Variants in TSGA10 observed in about 807,000 individuals in gnomAD.
TSGA10 encodes testis-specific gene 10 protein.
Under a neutral mutation model 96.6 loss-of-function variants are expected in TSGA10, and 43 were observed. That is an observed-to-expected ratio of 0.44 (90% CI 0.35 to 0.57). The LOEUF is 0.57. Among genes scored for constraint, TSGA10 ranks in the 20% least tolerant of loss-of-function variants. The pLI, the probability that TSGA10 is intolerant of heterozygous loss-of-function variation, is 0.01. For missense variants in TSGA10, 703 were observed against 834.4 expected, an observed-to-expected ratio of 0.84 and a Z score of 1.94; for synonymous variants, 229 against 269.9, an observed-to-expected ratio of 0.85 and a Z score of 1.48.
rs147204896 is a variant in TSGA10 at position 99,035,271 on chromosome 2, G to C, written c.1573C>G (p.Leu525Val). 4 of 1,611,170 alleles carry C rather than the reference G, an allele frequency of 2.5e-6. No homozygotes were observed. Among genetic ancestry groups the C allele is most frequent in the Non-Finnish European group, 3.4e-6 (4 of 1,178,520 alleles). The change falls in exon 17 of 21, where the codon CTT (leucine) becomes GTT (valine). Residue 525 changes from leucine to valine, a missense_variant. Physicochemically the swap from Leu to Val is conservative, Grantham distance 32 (BLOSUM62 1). Coordinates refer to ENST00000393483, the MANE Select transcript of TSGA10 (RefSeq NM_025244.4). ...TCTTTAGCAACCAGCTGTCGATTAA[G>C]AAGTTCTTTGCTTGAGTCAAGTTTA... Reference protein sequence around the residue: ...CIKLDSSKELLNRQLVAKDQE... With the variant: ...CIKLDSSKELVNRQLVAKDQE...
intron 4 of TSGA10, among the ~76,000 whole-genome samples, chr2:99,116,538 C>T (rs1160856056): frequency 1.3e-5 from 2 of 151,746 alleles, no homozygotes; most frequent in East Asian, 3.9e-4. Flanking sequence ...ACTAGGCAAC[C>T]CTACCTCATA....
At chr2:99,002,154 C>T (rs957889937) in intron 20 of TSGA10, among the ~76,000 whole-genome samples, 2 of 152,004 alleles carry the variant, frequency 1.3e-5, no homozygotes, top group Non-Finnish European at 2.9e-5. Flanking sequence ...AGATACTCCT[C>T]GAGAAGAGCA....
intron 3 of TSGA10, 24 bp from the exon 4 acceptor site, chr2:99,117,783 AC>A: frequency 1.0e-6 from 1 of 968,384 alleles, no homozygotes; most frequent in South Asian, 4.8e-5. Context: ...AAAAAAAATC[AC>A]ATTAAAATAA....
intron 1 of TSGA10, chr2:99,141,834 T>G (rs927341655): frequency 2.6e-5 from 4 of 152,430 alleles, no homozygotes; most frequent in African/African-American, 9.6e-5. Flanking sequence ...CTCTCAGAGC[T>G]GCTTTCGGGC....
At chr2:99,041,928 T>C (rs2082222261) in intron 16 of TSGA10, among the ~76,000 whole-genome samples, 1 of 150,842 alleles carries the variant, frequency 6.6e-6, no homozygotes. Flanking sequence ...ACGCATCCAA[T>C]AAAATAATAA....
rs1190547942 is a variant in TSGA10, at chr2:98,997,740, T to G, written c.*457A>C. 6.5e-6 allele frequency: 1 copy of G among 152,722 alleles called. No individual in the cohort carries two copies. Among genetic ancestry groups the G allele is most frequent in the African/African-American group, 2.4e-5 (1 of 41,450 alleles). 9.5% of individuals were successfully genotyped at this position (152,722 alleles called of 1,614,324 possible). On this transcript the variant is annotated 3_prime_UTR_variant, in exon 21 of 21. Transcript: ENST00000393483. Reference sequence around the variant, plus strand: ...GTAAGGTTGGTTCCAAAATGGAATATCAGATCCCAGACCAGTATCAGTAAG... The same window carrying G: ...GTAAGGTTGGTTCCAAAATGGAATAGCAGATCCCAGACCAGTATCAGTAAG...
chr2:99,151,691 T>G (rs2105161201), intron 1 of TSGA10, among the ~76,000 whole-genome samples: 1 of 152,322 alleles, frequency 6.6e-6, no homozygotes, highest in Non-Finnish European at 1.5e-5. Context: ...AAATCGTGCC[T>G]TTAAAACTGC....
In TSGA10 at chr2:99,078,818, G is replaced by A. The variant is rs1376506181; in HGVS notation, c.728-5C>T. The A allele has an allele frequency of 1.2e-6, 2 of 1,602,210 alleles. No individual in the cohort carries two copies. Among genetic ancestry groups the A allele is most frequent in the African/African-American group, 1.4e-5 (1 of 74,014 alleles). ...TATTTTGCCTTGTAAAGTTATCTAT[G>A]TATGCAATCATAAAAGTGTTGTTTT... On this transcript the variant is annotated splice_polypyrimidine_tract_variant and splice_region_variant and intron_variant, in intron 11 of 20. Coordinates refer to ENST00000393483, the MANE Select transcript of TSGA10 (RefSeq NM_025244.4).
At chr2:99,008,904 G>A (rs1288277142) in intron 20 of TSGA10, among the ~76,000 whole-genome samples, 3 of 152,136 alleles carry the variant, frequency 2.0e-5, no homozygotes, top group African/African-American at 7.2e-5. Context: ...AGTGTTAAGT[G>A]AGAAAAGCAA....
At chr2:99,136,604 C>G (rs1390453182) in intron 1 of TSGA10, among the ~76,000 whole-genome samples, 1 of 31,558 alleles carries the variant, frequency 3.2e-5, no homozygotes, top group Non-Finnish European at 9.8e-5. Context: ...GAGACCATCC[C>G]GGCTAAAACG....
chr2:99,142,189 A>G (rs114951816), intron 1 of TSGA10: 1 of 152,246 alleles, frequency 6.6e-6, no homozygotes, highest in Admixed American at 6.5e-5. Flanking sequence ...GGGGGAAAAA[A>G]GTCTTCTTAA....
intron 4 of TSGA10, among the ~76,000 whole-genome samples, chr2:99,111,327 C>A (rs1299461421): frequency 1.3e-5 from 2 of 152,052 alleles, no homozygotes; most frequent in Non-Finnish European, 1.5e-5. Context: ...TCAATTCAAT[C>A]CACAAAATAC....
At chr2:99,089,797 C>A (rs922665876) in intron 10 of TSGA10, among the ~76,000 whole-genome samples, 1 of 152,150 alleles carries the variant, frequency 6.6e-6, no homozygotes, top group African/African-American at 2.4e-5. Flanking sequence ...ACTAACCCTG[C>A]CCCACCTGAG....
intron 5 of TSGA10, among the ~76,000 whole-genome samples, chr2:99,110,012 A>C (rs1405619178): frequency 6.6e-6 from 1 of 152,004 alleles, no homozygotes; most frequent in Admixed American, 6.6e-5. Context: ...AAAATACAAA[A>C]AAATTAGCTG....
At chr2:99,102,117 TTAGA>T (rs2090830532) in intron 10 of TSGA10, 2 of 1,453,246 alleles carry the variant, frequency 1.4e-6, no homozygotes, top group Admixed American at 1.7e-5. Context: ...ACAAGAAGAG[TTAGA>T]TAGGGGTTAC....
At chr2:99,052,479 A>C (rs1180212496) in intron 16 of TSGA10, among the ~76,000 whole-genome samples, 7 of 152,082 alleles carry the variant, frequency 4.6e-5, no homozygotes, top group Non-Finnish European at 1.0e-4. Flanking sequence ...AATAAAAATA[A>C]ATCTGTCCCA....
At chr2:99,116,787 T>C (rs1202769701) in intron 4 of TSGA10, among the ~76,000 whole-genome samples, 1 of 152,304 alleles carries the variant, frequency 6.6e-6, no homozygotes, top group Non-Finnish European at 1.5e-5. Flanking sequence ...GTTTATGGGG[T>C]ACATGTGATA....
chr2:99,062,636 G>A (rs62156361), intron 16 of TSGA10, among the ~76,000 whole-genome samples: 1,842 of 152,280 alleles, frequency 0.012, 17 homozygotes, highest in Non-Finnish European at 0.02. Context: ...CTTGGAGGCT[G>A]AGACAGATGG....
At chr2:99,118,116 G>C (rs184417762) in intron 3 of TSGA10, among the ~76,000 whole-genome samples, 23 of 152,022 alleles carry the variant, frequency 1.5e-4, no homozygotes, top group African/African-American at 5.1e-4. Context: ...ACCATTAAGA[G>C]TTCTTTTAAT....
Sources: allele counts gnomAD v4.1 joint callset (sites outside exome capture counted in the v4.1 genomes callset), GRCh38; gene constraint gnomAD v4.1.1; transcripts MANE v1.5; gene names NCBI Gene and HGNC (gene_info 2026-07-23, HGNC 2026-07-21).